Variants in CCBE1 observed in about 807,000 individuals in gnomAD.
CCBE1 encodes the protein collagen and calcium binding EGF domains 1.
Under a neutral mutation model 50.0 loss-of-function variants are expected in CCBE1, and 37 were observed. The observed-to-expected ratio is 0.74, with a 90% CI of 0.57 to 0.97. The LOEUF (loss-of-function observed/expected upper bound fraction) is 0.97, where lower values mean the gene tolerates loss of function less well. CCBE1 is among the 50% of genes least tolerant of loss of function. The pLI, the probability that CCBE1 is intolerant of heterozygous loss-of-function variation, is 0.00. For missense variants in CCBE1, 538 were observed against 523.8 expected (o/e 1.03, Z -0.26); for synonymous variants, 234 against 203.7 (o/e 1.15, Z -1.27).
chr18:59,457,089 C>T (rs201347053), intron 5 of CCBE1, among the ~76,000 whole-genome samples: 6 of 152,144 alleles, frequency 3.9e-5, no homozygotes, highest in East Asian at 1.9e-4. Flanking sequence ...AATGTGTCAT[C>T]GGAGAAAAAC....
chr18:59,657,629 C>T (rs562776800), intron 2 of CCBE1, among the ~76,000 whole-genome samples: 23 of 152,350 alleles, frequency 1.5e-4, no homozygotes, highest in South Asian at 2.1e-4. Flanking sequence ...TGGTGGCTCA[C>T]GCCTATAATC....
intron 2 of CCBE1, among the ~76,000 whole-genome samples, chr18:59,528,566 C>A (rs934916477): frequency 6.6e-6 from 1 of 152,086 alleles, no homozygotes; most frequent in African/African-American, 2.4e-5. Flanking sequence ...TTGTTTTCAG[C>A]GTTTTTTTGT....
At chr18:59,645,715 C>T (rs1199962603) in intron 2 of CCBE1, among the ~76,000 whole-genome samples, 1 of 152,212 alleles carries the variant, frequency 6.6e-6, no homozygotes, top group African/African-American at 2.4e-5. Context: ...CCAGGCTTTG[C>T]TGCCCAAAAC....
At chr18:59,603,427 G>A (rs1336310116) in intron 2 of CCBE1, among the ~76,000 whole-genome samples, 2 of 152,068 alleles carry the variant, frequency 1.3e-5, no homozygotes, top group Non-Finnish European at 2.9e-5. Context: ...GGCAGAATTT[G>A]GCCTTTAAAG....
At chr18:59,530,917 A>G (rs1008328984) in intron 2 of CCBE1, among the ~76,000 whole-genome samples, 2 of 152,164 alleles carry the variant, frequency 1.3e-5, no homozygotes, top group African/African-American at 4.8e-5. Flanking sequence ...TATTTCTTAA[A>G]TTATTTATGA....
At chr18:59,612,891 T>C (rs1311159039) in intron 2 of CCBE1, among the ~76,000 whole-genome samples, 4 of 146,444 alleles carry the variant, frequency 2.7e-5, no homozygotes, top group Non-Finnish European at 4.5e-5. Flanking sequence ...AACAAAGATG[T>C]GGGAATAAGG....
rs555555233 is a variant in CCBE1 at position 59,601,241 on chromosome 18, G to C, written c.212+95388C>G. 3.3e-5 allele frequency among the ~76,000 whole-genome samples: 5 copies of C among 151,778 alleles called. No individual in the cohort carries two copies. In the South Asian group the frequency reaches 1.0e-3, roughly 32 times the overall value. ...AGAGATAGGGTGATGTGGTTTGGCT[G>C]TGTCCACACTCAAATCTCATCTTGA... is the stretch of plus-strand genomic sequence containing the variant. On this transcript the variant is annotated intron_variant, in intron 2 of 10. Transcript: ENST00000439986.
chr18:59,552,361 G>C (rs1264438289), intron 2 of CCBE1, among the ~76,000 whole-genome samples: 1 of 152,202 alleles, frequency 6.6e-6, no homozygotes, highest in Non-Finnish European at 1.5e-5. Context: ...AACACACGTA[G>C]AGTGTTTCGT....
At chr18:59,634,320 A>C (rs903149930) in intron 2 of CCBE1, among the ~76,000 whole-genome samples, 4 of 152,206 alleles carry the variant, frequency 2.6e-5, no homozygotes, top group Non-Finnish European at 4.4e-5. Context: ...CCCCACTGTG[A>C]ATCTATCATC....
At chr18:59,657,731 A>G (rs61024963) in intron 2 of CCBE1, among the ~76,000 whole-genome samples, 10,775 of 152,212 alleles carry the variant, frequency 0.071, 727 homozygotes, top group African/African-American at 0.18. Context: ...TCTCTACTGA[A>G]AAAACAAAAT....
intron 6 of CCBE1, among the ~76,000 whole-genome samples, chr18:59,452,071 C>G (rs1568146236): frequency 1.3e-5 from 2 of 152,180 alleles, no homozygotes. Context: ...CTGTTGCCTG[C>G]AGACTGCCGG....
chr18:59,550,805 G>T (rs1307636423), intron 2 of CCBE1, among the ~76,000 whole-genome samples: 1 of 151,822 alleles, frequency 6.6e-6, no homozygotes, highest in East Asian at 1.9e-4. Flanking sequence ...GAGGCAGGAG[G>T]ATCACGAAGT....
chr18:59,694,782 C>G (rs17066173), intron 2 of CCBE1, among the ~76,000 whole-genome samples: 9 of 152,122 alleles, frequency 5.9e-5, no homozygotes, highest in Non-Finnish European at 1.0e-4. Flanking sequence ...AGAGAACTCT[C>G]GACTTCCATA....
intron 2 of CCBE1, among the ~76,000 whole-genome samples, chr18:59,483,441 G>A (rs1040554431): frequency 3.9e-5 from 6 of 152,156 alleles, no homozygotes; most frequent in African/African-American, 1.4e-4. Context: ...ATGTTTCAAT[G>A]AGCATTTCTT....
At chr18:59,680,227 GA>G (rs58760246) in intron 2 of CCBE1, among the ~76,000 whole-genome samples, 84 of 145,504 alleles carry the variant, frequency 5.8e-4, no homozygotes, top group Non-Finnish European at 6.5e-4. Flanking sequence ...TTTCAAAAAA[GA>G]AAAAAAAAAA....
intron 3 of CCBE1, among the ~76,000 whole-genome samples, chr18:59,476,420 C>A (rs1326552708): frequency 2.0e-5 from 3 of 152,182 alleles, no homozygotes; most frequent in Admixed American, 6.5e-5. Flanking sequence ...ATCCTATCAC[C>A]TGGCCAATCA....
At chr18:59,628,960 G>A (rs1276290555) in intron 2 of CCBE1, among the ~76,000 whole-genome samples, 1 of 152,136 alleles carries the variant, frequency 6.6e-6, no homozygotes, top group African/African-American at 2.4e-5. Flanking sequence ...AGTTCAGCCA[G>A]CACCCTCTCA....
At chr18:59,497,623 T>G (rs1420812209) in intron 2 of CCBE1, among the ~76,000 whole-genome samples, 1 of 152,146 alleles carries the variant, frequency 6.6e-6, no homozygotes. Flanking sequence ...ACCGCACTAT[T>G]CAATCTTTTT....
At chr18:59,663,954 G>A (rs1013362471) in intron 2 of CCBE1, among the ~76,000 whole-genome samples, 2 of 152,170 alleles carry the variant, frequency 1.3e-5, no homozygotes, top group African/African-American at 4.8e-5. Flanking sequence ...TGCTTCAAAT[G>A]TATTGTTCAT....
Sources: gnomAD v4.1 joint callset for allele counts (sites outside exome capture counted in the v4.1 genomes callset) on GRCh38, gnomAD v4.1.1 for gene constraint, MANE v1.5 for transcripts, NCBI Gene and HGNC (gene_info 2026-07-23, HGNC 2026-07-21) for gene names.